The following LRRTM4 variants were observed in gnomAD, a reference collection of about 807,000 sequenced individuals.
LRRTM4 encodes leucine-rich repeat transmembrane neuronal protein 4.
LRRTM4 carries 25 observed loss-of-function variants against 47.6 expected under a neutral mutation model. That is an observed-to-expected ratio of 0.53 (90% CI 0.38 to 0.73). The LOEUF is 0.73. LRRTM4 is among the 30% of genes least tolerant of loss of function. The pLI is 0.00. For missense variants in LRRTM4, 638 were observed against 713.4 expected, an observed-to-expected ratio of 0.89 and a Z score of 1.20; for synonymous variants, 311 against 269.5, an observed-to-expected ratio of 1.15 and a Z score of -1.51.
intron 3 of LRRTM4, among the ~76,000 whole-genome samples, chr2:76,800,179 A>G (rs1341280114): frequency 4.0e-5 from 6 of 148,272 alleles, no homozygotes; most frequent in Non-Finnish European, 7.4e-5. Context: ...AGCTGGAGGC[A>G]TCACACTCCC....
At chr2:77,086,944 A>G (rs1043506077) in intron 3 of LRRTM4, among the ~76,000 whole-genome samples, 4 of 152,176 alleles carry the variant, frequency 2.6e-5, no homozygotes, top group African/African-American at 7.2e-5. Flanking sequence ...CTGACAAAGC[A>G]CACCTAGGCA....
intron 3 of LRRTM4, among the ~76,000 whole-genome samples, chr2:77,400,479 C>A (rs1354405119): frequency 7.9e-5 from 12 of 151,786 alleles, no homozygotes; most frequent in Non-Finnish European, 1.5e-4. Context: ...GAGTTCAATA[C>A]CCAAAGTATT....
At position 76,779,326 on chromosome 2, in the gene LRRTM4, C is replaced by T. The variant is rs536033844; in HGVS notation, c.1552-30410G>A. ...ATTCCTGGGTATCCTTGTTGACTTT[C>T]TGTCTCATTGATCTGTCTAATGTTG... On this transcript the variant is annotated intron_variant, in intron 3 of 3. Transcript: ENST00000409884. Among the ~76,000 whole-genome samples, 75 of 150,820 alleles carry T rather than the reference C, an allele frequency of 5.0e-4. 1 individual carries two copies. In the South Asian group the frequency reaches 0.015, roughly 30 times the overall value.
At chr2:77,063,129 AT>A (rs141643486) in intron 3 of LRRTM4, among the ~76,000 whole-genome samples, 30 of 147,874 alleles carry the variant, frequency 2.0e-4, no homozygotes, top group Non-Finnish European at 3.2e-4. Context: ...TAATCTTTGT[AT>A]TTTTTTTTTA....
intron 3 of LRRTM4, among the ~76,000 whole-genome samples, chr2:77,342,945 A>G (rs1188801251): frequency 6.6e-6 from 1 of 152,012 alleles, no homozygotes; most frequent in Non-Finnish European, 1.5e-5. Context: ...CAAGGATTCC[A>G]AACCTGGCAT....
intron 3 of LRRTM4, among the ~76,000 whole-genome samples, chr2:77,284,573 A>G (rs1676598630): frequency 6.6e-6 from 1 of 152,064 alleles, no homozygotes. Context: ...ATTCTTGACA[A>G]TTTCTAGTAT....
chr2:77,068,969 G>C lies in LRRTM4; in HGVS notation c.1552-320053C>G, dbSNP rs571224000. 2.1e-3 allele frequency among the ~76,000 whole-genome samples: 317 copies of C among 152,166 alleles called. 1 individual carries two copies. The highest frequency in any genetic ancestry group is 7.4e-3 in the African/African-American group (305 of 41,416). ...ATCTGTGCCTTAAGGGCATGTTCCTGCTGCAGATATCTAGCCAGACCCACC... is the reference window on the plus strand; with the variant it reads ...ATCTGTGCCTTAAGGGCATGTTCCTCCTGCAGATATCTAGCCAGACCCACC... On this transcript the variant is annotated intron_variant, in intron 3 of 3. Transcript: ENST00000409884.
intron 3 of LRRTM4, among the ~76,000 whole-genome samples, chr2:77,423,579 T>C (rs1162394527): frequency 6.6e-6 from 1 of 152,154 alleles, no homozygotes; most frequent in Non-Finnish European, 1.5e-5. Flanking sequence ...TCTCTAATGC[T>C]ACCAATGGTC....
intron 3 of LRRTM4, among the ~76,000 whole-genome samples, chr2:77,387,382 G>A (rs1352981519): frequency 6.6e-6 from 1 of 152,110 alleles, no homozygotes; most frequent in Non-Finnish European, 1.5e-5. Context: ...TCATGTTCCT[G>A]TATGTCTTCT....
intron 3 of LRRTM4, among the ~76,000 whole-genome samples, chr2:77,460,766 A>G (rs1676757719): frequency 6.6e-6 from 1 of 151,954 alleles, no homozygotes; most frequent in Admixed American, 6.6e-5. Flanking sequence ...TCTATTACTA[A>G]GTTTTAAAAC....
intron 3 of LRRTM4, among the ~76,000 whole-genome samples, chr2:77,043,167 C>T (rs1356374983): frequency 6.6e-6 from 1 of 151,594 alleles, no homozygotes; most frequent in Non-Finnish European, 1.5e-5. Flanking sequence ...ATTGTTATTG[C>T]TGTATAAGTG....
intron 3 of LRRTM4, among the ~76,000 whole-genome samples, chr2:76,764,152 T>C (rs776969494): frequency 1.3e-5 from 2 of 152,200 alleles, no homozygotes; most frequent in Non-Finnish European, 2.9e-5. Flanking sequence ...TGACTGCCTA[T>C]AGTAAAACAA....
chr2:77,009,543 G>T (rs1052970331), intron 3 of LRRTM4: 1 of 152,074 alleles, frequency 6.6e-6, no homozygotes, highest in African/African-American at 2.4e-5. Context: ...AAAAGGTATG[G>T]TTCCTTCACA....
intron 3 of LRRTM4, among the ~76,000 whole-genome samples, chr2:77,228,202 T>G (rs1231942951): frequency 6.6e-6 from 1 of 152,130 alleles, no homozygotes; most frequent in Non-Finnish European, 1.5e-5. Context: ...ATTATTTGGG[T>G]GCTGTCCAAA....
intron 3 of LRRTM4, among the ~76,000 whole-genome samples, chr2:77,463,412 T>C (rs78032715): frequency 0.035 from 5,294 of 152,172 alleles, 178 homozygotes; most frequent in East Asian, 0.13. Flanking sequence ...AAATATTATA[T>C]ATTAACATAT....
At chr2:76,782,853 T>C (rs1034037912) in intron 3 of LRRTM4, among the ~76,000 whole-genome samples, 2 of 152,334 alleles carry the variant, frequency 1.3e-5, no homozygotes, top group Admixed American at 1.3e-4. Flanking sequence ...ATTAGTTACG[T>C]ATTTTAGAAA....
At chr2:76,999,116 T>G (rs57624759) in intron 3 of LRRTM4, among the ~76,000 whole-genome samples, 4,281 of 152,004 alleles carry the variant, frequency 0.028, 239 homozygotes, top group African/African-American at 0.098. Flanking sequence ...GGGTAGTGTG[T>G]GTGCATCATG....
intron 3 of LRRTM4, among the ~76,000 whole-genome samples, chr2:76,912,768 T>A (rs1674115425): frequency 6.6e-6 from 1 of 152,122 alleles, no homozygotes; most frequent in South Asian, 2.1e-4. Flanking sequence ...GATAGTGAGT[T>A]ATTGTGAGAT....
chr2:76,782,092 A>G (rs991247850), intron 3 of LRRTM4, among the ~76,000 whole-genome samples: 1 of 150,868 alleles, frequency 6.6e-6, no homozygotes. Context: ...AAATTATATT[A>G]GAGTCCATAT....
Sources: allele counts gnomAD v4.1 joint callset (sites outside exome capture counted in the v4.1 genomes callset), GRCh38; gene constraint gnomAD v4.1.1; transcripts MANE v1.5; gene names NCBI Gene and HGNC (gene_info 2026-07-23, HGNC 2026-07-21).